MEI4: variants seen among roughly 807,000 people sequenced by gnomAD.
MEI4 encodes meiosis-specific protein MEI4.
In MEI4, 27 loss-of-function variants were observed where a neutral mutation model predicts 31.4. The observed-to-expected ratio is 0.86, with a 90% CI of 0.63 to 1.19. MEI4 has a LOEUF of 1.19. MEI4 is among the 50% of genes most tolerant of loss of function. MEI4 has a pLI of 0.00. For synonymous variants in MEI4, 122 were observed against 145.4 expected, an observed-to-expected ratio of 0.84 and a Z score of 1.16; for missense variants, 329 against 398.9, an observed-to-expected ratio of 0.82 and a Z score of 1.49.
intron 4 of MEI4, among the ~76,000 whole-genome samples, chr6:77,890,524 A>T (rs1398891601): frequency 1.3e-5 from 2 of 152,076 alleles, no homozygotes; most frequent in Non-Finnish European, 1.5e-5. Context: ...TCATAGAGAG[A>T]AGTGACTTGC....
intron 4 of MEI4, among the ~76,000 whole-genome samples, chr6:77,896,613 ACT>A (rs576612521): frequency 3.9e-4 from 60 of 152,048 alleles, no homozygotes; most frequent in African/African-American, 1.4e-3. Context: ...GTCTCATAAG[ACT>A]CTGTTTAACA....
chr6:77,848,284 A>G (rs1025623974), intron 4 of MEI4, among the ~76,000 whole-genome samples: 2 of 152,154 alleles, frequency 1.3e-5, no homozygotes, highest in African/African-American at 4.8e-5. Flanking sequence ...TTGTTAGTGT[A>G]GAGTAGGTAT....
chr6:77,741,051 G>A (rs778361282), intron 2 of MEI4, among the ~76,000 whole-genome samples: 6 of 152,082 alleles, frequency 3.9e-5, no homozygotes, highest in Non-Finnish European at 8.8e-5. Context: ...AGCAGGGATG[G>A]TTTCACAGAA....
Position 77,923,551 on chromosome 6 carries a change from G to A in MEI4, c.*205G>A, listed in dbSNP as rs1581987049. ...TCTATACTAAAATCAGCCAGTTTCG[G>A]TTGGTAATGCCATCCTTATTCCCAT... On this transcript the variant is annotated 3_prime_UTR_variant, in exon 5 of 5. Transcript: ENST00000684080. 8 of 368,296 alleles carry A rather than the reference G, an allele frequency of 2.2e-5. No individual in the cohort carries two copies. The East Asian group carries it at 3.6e-4, about 17-fold the overall frequency. 22.8% of individuals were successfully genotyped at this position (368,296 alleles called of 1,614,324 possible). A position where few individuals can be genotyped will look rare whatever the true frequency, so the allele number is the denominator to read the frequency against.
At chr6:77,741,602 A>T (rs772307815) in intron 2 of MEI4, among the ~76,000 whole-genome samples, 3 of 152,078 alleles carry the variant, frequency 2.0e-5, no homozygotes, top group African/African-American at 7.2e-5. Context: ...ATCCAACATC[A>T]TTCTGTGTGT....
chr6:77,701,405 G>C (rs529186941), intron 2 of MEI4, among the ~76,000 whole-genome samples: 1 of 152,032 alleles, frequency 6.6e-6, no homozygotes, highest in Non-Finnish European at 1.5e-5. Flanking sequence ...GCAGATTTAG[G>C]ATTAAAATTT....
intron 4 of MEI4, among the ~76,000 whole-genome samples, chr6:77,873,207 A>G (rs1479526180): frequency 6.6e-6 from 1 of 152,218 alleles, no homozygotes; most frequent in Non-Finnish European, 1.5e-5. Flanking sequence ...GAACTAGTTT[A>G]CAGTCCCACC....
intron 3 of MEI4, among the ~76,000 whole-genome samples, chr6:77,791,824 A>G (rs914428845): frequency 6.6e-6 from 1 of 152,162 alleles, no homozygotes; most frequent in African/African-American, 2.4e-5. Flanking sequence ...ATTCATTATT[A>G]TTAACTGTAA....
chr6:77,791,817 CATT>C (rs1165738408), intron 3 of MEI4, among the ~76,000 whole-genome samples: 3 of 151,922 alleles, frequency 2.0e-5, no homozygotes, highest in African/African-American at 7.3e-5. Context: ...TTCAAGAATT[CATT>C]ATTATTAACT....
chr6:77,745,936 C>T (rs887086169), intron 2 of MEI4, among the ~76,000 whole-genome samples: 2 of 151,978 alleles, frequency 1.3e-5, no homozygotes, highest in Middle Eastern at 3.4e-3. Context: ...AACAAAGACA[C>T]AACATACCAG....
At chr6:77,798,953 A>T (rs1001930606) in intron 3 of MEI4, among the ~76,000 whole-genome samples, 347 of 152,018 alleles carry the variant, frequency 2.3e-3, no homozygotes, top group Non-Finnish European at 4.2e-3. Context: ...CAATAAACAT[A>T]CGTGTGCATG....
chr6:77,745,819 C>G (rs962854038), intron 2 of MEI4, among the ~76,000 whole-genome samples: 1 of 152,152 alleles, frequency 6.6e-6, no homozygotes, highest in East Asian at 1.9e-4. Context: ...AAGAATCTCA[C>G]TCAAAACCGC....
At chr6:77,778,921 C>G (rs1183766628) in intron 3 of MEI4, among the ~76,000 whole-genome samples, 1 of 151,968 alleles carries the variant, frequency 6.6e-6, no homozygotes, top group Non-Finnish European at 1.5e-5. Flanking sequence ...AGCCCAAGTT[C>G]CCTTTCAGAC....
intron 4 of MEI4, among the ~76,000 whole-genome samples, chr6:77,835,216 C>T (rs1386038055): frequency 1.3e-5 from 2 of 150,048 alleles, no homozygotes; most frequent in Non-Finnish European, 3.0e-5. Context: ...GAGAAAAGGC[C>T]GGGCGCGGTG....
intron 1 of MEI4, among the ~76,000 whole-genome samples, chr6:77,659,020 A>C (rs982461912): frequency 5.3e-5 from 8 of 152,116 alleles, no homozygotes; most frequent in African/African-American, 1.7e-4. Flanking sequence ...TTGGAGGACA[A>C]CTGCAGCTAA....
chr6:77,673,177 T>G (rs1279051180), intron 1 of MEI4, among the ~76,000 whole-genome samples: 2 of 152,190 alleles, frequency 1.3e-5, no homozygotes, highest in African/African-American at 2.4e-5. Context: ...GAAGGAGACC[T>G]TAAAATGAAG....
intron 3 of MEI4, among the ~76,000 whole-genome samples, chr6:77,819,633 A>G (rs2127707855): frequency 6.6e-6 from 1 of 152,288 alleles, no homozygotes; most frequent in Middle Eastern, 3.4e-3. Context: ...TTAATCTATG[A>G]TGTAGAAAAT....
At chr6:77,794,183 C>T (rs372868341) in intron 3 of MEI4, among the ~76,000 whole-genome samples, 7 of 152,118 alleles carry the variant, frequency 4.6e-5, no homozygotes, top group African/African-American at 7.2e-5. Context: ...ATCTTTTATT[C>T]TAAACTGACA....
At chr6:77,806,628 G>A (rs1769448079) in intron 3 of MEI4, among the ~76,000 whole-genome samples, 1 of 152,088 alleles carries the variant, frequency 6.6e-6, no homozygotes, top group South Asian at 2.1e-4. Context: ...AAATAAAAAT[G>A]GAGGAACTTC....
Sources: gnomAD v4.1 joint callset for allele counts (sites outside exome capture counted in the v4.1 genomes callset) on GRCh38, gnomAD v4.1.1 for gene constraint, MANE v1.5 for transcripts, NCBI Gene and HGNC (gene_info 2026-07-23, HGNC 2026-07-21) for gene names.